Variants in MTHFD1L observed in about 807,000 individuals in gnomAD.
The protein encoded by MTHFD1L is methylenetetrahydrofolate dehydrogenase (NADP+ dependent) 1 like, also known as monofunctional C1-tetrahydrofolate synthase, mitochondrial.
Under a neutral mutation model 119.5 loss-of-function variants are expected in MTHFD1L, and 81 were observed. The ratio of observed to expected loss-of-function variants is 0.68; its 90% CI spans 0.57 to 0.82. The LOEUF (loss-of-function observed/expected upper bound fraction) is 0.82, where lower values mean the gene tolerates loss of function less well. MTHFD1L is among the 40% of genes least tolerant of loss of function. The pLI, the probability that MTHFD1L is intolerant of heterozygous loss-of-function variation, is 0.00. For synonymous variants in MTHFD1L, 430 were observed against 475.2 expected (o/e 0.90, Z 1.24); for missense variants, 1,125 against 1,253.4 (o/e 0.90, Z 1.55).
chr6:150,887,733 A>T, intron 6 of MTHFD1L, 112 bp from the exon 7 acceptor site: 1 of 1,142,778 alleles, frequency 8.8e-7, no homozygotes, highest in Non-Finnish European at 1.2e-6. Context: ...CTGGAATTAT[A>T]GGCATGAGCC....
At chr6:151,084,241 A>T (rs7763414) in intron 26 of MTHFD1L, among the ~76,000 whole-genome samples, 28,121 of 152,210 alleles carry the variant, frequency 0.18, 2,697 homozygotes, top group Admixed American at 0.23. Context: ...ATTCTGTCTT[A>T]CACTGGATCA....
intron 2 of MTHFD1L, among the ~76,000 whole-genome samples, chr6:150,876,528 T>A (rs569670715): frequency 7.7e-4 from 117 of 152,346 alleles, no homozygotes; most frequent in Middle Eastern, 6.8e-3. Flanking sequence ...TTTGTTTCAA[T>A]GGACACAGAT....
chr6:150,877,526 A>G (rs1562298495), intron 2 of MTHFD1L, 108 bp from the exon 3 acceptor site: 4 of 1,248,884 alleles, frequency 3.2e-6, no homozygotes, highest in African/African-American at 1.5e-5. Flanking sequence ...CACCTTCCAT[A>G]TTATCTTTGT....
At chr6:150,870,507 A>G (rs1332260330) in intron 1 of MTHFD1L, among the ~76,000 whole-genome samples, 2 of 152,192 alleles carry the variant, frequency 1.3e-5, no homozygotes, top group African/African-American at 2.4e-5. Flanking sequence ...TAAGGGGAAT[A>G]TCGCAGTAAA....
chr6:150,903,314 G>C (rs756665467), intron 7 of MTHFD1L, among the ~76,000 whole-genome samples: 4 of 146,022 alleles, frequency 2.7e-5, no homozygotes, highest in African/African-American at 5.1e-5. Flanking sequence ...TGCCTCCCAG[G>C]TTCAAGTGAT....
intron 4 of MTHFD1L, among the ~76,000 whole-genome samples, chr6:150,881,721 C>T (rs746009653): frequency 1.5e-4 from 23 of 152,266 alleles, no homozygotes; most frequent in Non-Finnish European, 2.9e-4. Flanking sequence ...GAACTTCCCT[C>T]CTCCACTAGA....
intron 1 of MTHFD1L, among the ~76,000 whole-genome samples, chr6:150,873,703 C>T (rs1229325699): frequency 2.6e-5 from 4 of 152,110 alleles, no homozygotes; most frequent in Admixed American, 2.6e-4. Flanking sequence ...GAGTCTCGCT[C>T]TGTCACCCAG....
rs1215325194 is a variant in MTHFD1L at position 151,085,010 on chromosome 6, TATTTATATATGTATATACAC to T, written c.2848-7455_2848-7436del. On this transcript the variant is annotated intron_variant, in intron 26 of 27. Coordinates refer to ENST00000367321, the MANE Select transcript of MTHFD1L (RefSeq NM_015440.5). ...ATATATATATATATATATATGTATA[TATTTATATATGTATATACAC>T]ACACACACACATTAGATAAGCACAT... Among the ~76,000 whole-genome samples, 79 of 131,518 alleles carry T rather than the reference TATTTATATATGTATATACAC, an allele frequency of 6.0e-4. 1 individual carries two copies. Among genetic ancestry groups the T allele is most frequent in the African/African-American group, 2.1e-3 (73 of 35,104 alleles). 86.3% of individuals were successfully genotyped at this position (131,518 alleles called of 152,430 possible).
intron 1 of MTHFD1L, 54 bp downstream of exon 1, chr6:150,866,103 C>T: frequency 2.0e-6 from 3 of 1,471,966 alleles, no homozygotes; most frequent in Non-Finnish European, 2.7e-6. Flanking sequence ...GGCCCCGACC[C>T]AGGGGCGGAG....
At chr6:151,067,358 C>G (rs1446034931) in intron 26 of MTHFD1L, among the ~76,000 whole-genome samples, 5 of 152,142 alleles carry the variant, frequency 3.3e-5, no homozygotes, top group Admixed American at 2.6e-4. Flanking sequence ...GAGTCTGGCT[C>G]TGTCACCCAG....
Position 150,865,856 on chromosome 6 carries a change from C to A in MTHFD1L, c.34C>A (p.Leu12Ile). The change falls in exon 1 of 28, where the codon CTC becomes ATC. Residue 12 changes from leucine to isoleucine, a missense_variant. Transcript: ENST00000367321. ...GTRLPLVLRQ[L>I]RRPPQPPGPP... The stretch of plus-strand genomic sequence containing the variant: ...GCGTCTGCCGCTCGTCCTGCGCCAG[C>A]TCCGCCGCCCGCCCCAGCCCCCGGG... 1 of 1,222,324 alleles carries A rather than the reference C, an allele frequency of 8.2e-7. No homozygotes were observed. The highest frequency in any genetic ancestry group is 1.0e-6 in the Non-Finnish European group (1 of 979,696). 75.7% of individuals were successfully genotyped at this position (1,222,324 alleles called of 1,614,324 possible).
intron 16 of MTHFD1L, among the ~76,000 whole-genome samples, chr6:150,951,085 G>C (rs1794811006): frequency 7.2e-6 from 1 of 139,208 alleles, no homozygotes; most frequent in African/African-American, 2.6e-5. Flanking sequence ...CACCCAGGTT[G>C]GAGTGCAGTA....
chr6:150,973,480 G>C (rs764490142), intron 20 of MTHFD1L, among the ~76,000 whole-genome samples: 3 of 152,188 alleles, frequency 2.0e-5, no homozygotes, highest in Admixed American at 1.3e-4. Context: ...GGACGAGGAG[G>C]CTGGGTCAGG....
chr6:150,905,799 G>A (rs1434646481), intron 8 of MTHFD1L, 38 bp downstream of exon 8: 1 of 1,441,456 alleles, frequency 6.9e-7, no homozygotes, highest in Non-Finnish European at 9.8e-7. Flanking sequence ...CACTGATTAG[G>A]TCAGATAGTT....
At chr6:150,997,814 A>G (rs1209495303) in intron 20 of MTHFD1L, among the ~76,000 whole-genome samples, 2 of 152,168 alleles carry the variant, frequency 1.3e-5, no homozygotes, top group Non-Finnish European at 2.9e-5. Context: ...TAATAACACC[A>G]GCAATATTGT....
chr6:151,071,753 T>C (rs921096908), intron 26 of MTHFD1L, among the ~76,000 whole-genome samples: 4 of 152,108 alleles, frequency 2.6e-5, no homozygotes, highest in African/African-American at 7.2e-5. Flanking sequence ...AAACAGAAAA[T>C]GTGTGTTGCC....
intron 20 of MTHFD1L, among the ~76,000 whole-genome samples, chr6:150,976,567 C>T (rs545841380): frequency 6.6e-6 from 1 of 152,214 alleles, no homozygotes; most frequent in South Asian, 2.1e-4. Flanking sequence ...AAAAAGTTGT[C>T]GTTTATAGTA....
At chr6:150,945,349 G>T (rs978098827) in intron 14 of MTHFD1L, 118 bp from the exon 15 acceptor site, 1 of 717,662 alleles carries the variant, frequency 1.4e-6, no homozygotes, top group Non-Finnish European at 2.3e-6. Context: ...TTTTAATAGG[G>T]TCTTTTATCT....
At chr6:150,884,045 C>T (rs1781804970) in intron 5 of MTHFD1L, among the ~76,000 whole-genome samples, 1 of 152,056 alleles carries the variant, frequency 6.6e-6, no homozygotes, top group Admixed American at 6.5e-5. Context: ...GTGGCTCACA[C>T]CTGTAATCCT....
Sources: allele counts gnomAD v4.1 joint callset (sites outside exome capture counted in the v4.1 genomes callset), GRCh38; gene constraint gnomAD v4.1.1; transcripts MANE v1.5; gene names NCBI Gene and HGNC (gene_info 2026-07-23, HGNC 2026-07-21).